STK17A: variants seen among roughly 807,000 people sequenced by gnomAD.
The protein encoded by STK17A is serine/threonine-protein kinase 17A.
A neutral mutation model predicts 43.7 loss-of-function variants in STK17A; 26 were observed. That is an observed-to-expected ratio of 0.60 (90% confidence interval 0.44 to 0.83). The LOEUF is 0.83. Among genes scored for constraint, STK17A ranks in the 40% least tolerant of loss-of-function variants. STK17A has a pLI of 0.00. For synonymous variants in STK17A, 191 were observed against 182.5 expected (o/e 1.05, Z -0.38); for missense variants, 476 against 511.6 (o/e 0.93, Z 0.67).
intron 2 of STK17A, among the ~76,000 whole-genome samples, chr7:43,596,342 G>A (rs143064891): frequency 1.4e-3 from 214 of 152,116 alleles, no homozygotes; most frequent in African/African-American, 5.0e-3. Context: ...GTCATAATTG[G>A]ATAAAAGGTT....
rs1025924187 is a variant in STK17A at position 43,583,117 on chromosome 7, G to T, written c.-127G>T. The T allele has an allele frequency of 5.8e-6, 6 of 1,027,562 alleles. No homozygotes were observed. The African/African-American group carries it at 1.0e-4, about 18-fold the overall frequency. 63.7% of individuals were successfully genotyped at this position (1,027,562 alleles called of 1,614,324 possible). A position where few individuals can be genotyped will look rare whatever the true frequency, so the allele number is the denominator to read the frequency against. On this transcript the variant is annotated 5_prime_UTR_variant, in exon 1 of 7. Coordinates refer to ENST00000319357, the MANE Select transcript of STK17A (RefSeq NM_004760.3). ...CGGTAGTCTGCCTGCCGCAGTCCGA[G>T]CGCCGCGCTGGGGAGAGCGGGTGTT...
chr7:43,583,343 C>G lies in STK17A; in HGVS notation c.100C>G (p.Pro34Ala), dbSNP rs2082413825. ...GRGLSGPCRP[P>A]PPPQARGLLT... ...GGGTCTGAGCGGGCCGTGCCGGCCG[C>G]CGCCGCCGCCCCAGGCCCGCGGGCT... Residue 34 changes from proline to alanine, a missense_variant, in exon 1 of 7, where the codon CCG becomes GCG. Around this residue, in one of 3 missense-constraint regions of STK17A, gnomAD observed 320 missense variants for 326.3 expected, o/e 0.98. Coordinates refer to ENST00000319357, the MANE Select transcript of STK17A (RefSeq NM_004760.3). The G allele has an allele frequency of 7.0e-7, 1 of 1,435,380 alleles. No individual in the cohort carries two copies. The allele number at this position is 1,435,380 out of a possible 1,614,324, so 88.9% of individuals were successfully genotyped here.
intron 2 of STK17A, among the ~76,000 whole-genome samples, chr7:43,606,514 G>C (rs911483845): frequency 6.6e-6 from 1 of 152,126 alleles, no homozygotes; most frequent in Non-Finnish European, 1.5e-5. Context: ...TTCTGTAAAA[G>C]TAGTTTTTGT....
rs915848033 is a variant in STK17A, at chr7:43,619,710, C to A, written c.678C>A (p.Thr226=). Residue 226 remains threonine, a synonymous_variant, in exon 4 of 7, where the codon ACC becomes ACA. Transcript: ENST00000319357. ...AAGAGCTCCGAGAAATTATGGGTAC[C>A]CCTGAATATGTGGGTAAGTATTCAT... ...NSEELREIMG[T]PEYVAPEILS... is the part of the protein sequence containing the mutation. 6.2e-7 allele frequency: 1 copy of A among 1,613,480 alleles called. No individual in the cohort carries two copies. The highest frequency in any genetic ancestry group is 8.5e-7 in the Non-Finnish European group (1 of 1,179,880).
chr7:43,585,090 G>T (rs1050428983), intron 1 of STK17A, among the ~76,000 whole-genome samples: 2 of 152,044 alleles, frequency 1.3e-5, no homozygotes, highest in African/African-American at 4.8e-5. Flanking sequence ...CCAGCTACTC[G>T]TGAGGCTGAG....
At chr7:43,620,962 G>A (rs779794627) in intron 4 of STK17A, among the ~76,000 whole-genome samples, 14 of 152,134 alleles carry the variant, frequency 9.2e-5, no homozygotes, top group Non-Finnish European at 1.3e-4. Context: ...GCAAATACAG[G>A]CTAGAAGAGG....
chr7:43,591,083 G>A (rs1195004985), intron 1 of STK17A, among the ~76,000 whole-genome samples: 2 of 151,472 alleles, frequency 1.3e-5, no homozygotes, highest in Admixed American at 6.6e-5. Context: ...ATTTAGAGAT[G>A]AAGGCATGCA....
chr7:43,620,684 AAAAG>A (rs1323633702), intron 4 of STK17A, among the ~76,000 whole-genome samples: 2 of 151,976 alleles, frequency 1.3e-5, no homozygotes, highest in African/African-American at 4.8e-5. Flanking sequence ...AAAAAAAAAA[AAAAG>A]AATATTAATA....
At chr7:43,610,192 A>G (rs1215404789) in intron 3 of STK17A, among the ~76,000 whole-genome samples, 2 of 151,716 alleles carry the variant, frequency 1.3e-5, no homozygotes, top group Non-Finnish European at 2.9e-5. Context: ...TAAAAATACA[A>G]AAAAATTAGC....
Position 43,595,844 on chromosome 7 carries a change from T to C in STK17A, c.207-57T>C, listed in dbSNP as rs1050945299. On this transcript the variant is annotated intron_variant, in intron 1 of 6. Transcript: ENST00000319357. ...TGGGTATTTGGAAATTTCATTGAAA[T>C]CTGCCATCTCTGGAAAGTTGTCAAC... is the stretch of plus-strand genomic sequence containing the variant. 5 of 1,524,170 alleles carry C rather than the reference T, an allele frequency of 3.3e-6. No individual in the cohort carries two copies. In the Admixed American group the frequency reaches 5.6e-5, roughly 17 times the overall value. The allele number at this position is 1,524,170 out of a possible 1,614,324, so 94.4% of individuals were successfully genotyped here.
At chr7:43,605,693 C>A (rs66487644) in intron 2 of STK17A, among the ~76,000 whole-genome samples, 25,041 of 151,508 alleles carry the variant, frequency 0.17, 2,392 homozygotes, top group Non-Finnish European at 0.21. Flanking sequence ...ACCCTATACC[C>A]CTGTCCATAA....
chr7:43,615,428 C>T (rs146860102), intron 3 of STK17A, among the ~76,000 whole-genome samples: 285 of 152,240 alleles, frequency 1.9e-3, no homozygotes, highest in Middle Eastern at 3.4e-3. Context: ...CCACTCACCT[C>T]GGCCTCCCAA....
chr7:43,623,817 TGAG>T lies in STK17A; in HGVS notation c.852_854del (p.Glu286del). 1 of 1,604,084 alleles carries T rather than the reference TGAG, an allele frequency of 6.2e-7. No homozygotes were observed. The highest frequency in any genetic ancestry group is 1.1e-5 in the South Asian group (1 of 88,230). On this transcript the variant is annotated inframe_deletion, in exon 6 of 7. Coordinates refer to ENST00000319357, the MANE Select transcript of STK17A (RefSeq NM_004760.3). Reference sequence around the variant, plus strand: ...TCTCACAGATGAATTTAAGTTATTCTGAGGAAGAATTTGATGTTTTGTCTGAGT... The same window carrying T: ...TCTCACAGATGAATTTAAGTTATTCTGAAGAATTTGATGTTTTGTCTGAGT...
In STK17A at chr7:43,624,002, C is replaced by G. The variant is rs973796727; in HGVS notation, c.920+114C>G. On this transcript the variant is annotated intron_variant, in intron 6 of 6. Transcript: ENST00000319357. Reference sequence around the variant, plus strand: ...CCTCCAACCAAAAATAGTTCAACTTCTAAAACACCATAATGGAAACACAAA... The same window carrying G: ...CCTCCAACCAAAAATAGTTCAACTTGTAAAACACCATAATGGAAACACAAA... The G allele has an allele frequency of 2.0e-5, 14 of 696,590 alleles. No homozygotes were observed. The East Asian group carries it at 2.6e-4, about 13-fold the overall frequency. The allele number at this position is 696,590 out of a possible 1,614,324, so 43.2% of individuals were successfully genotyped here. A position where few individuals can be genotyped will look rare whatever the true frequency, so the allele number is the denominator to read the frequency against.
chr7:43,607,015 C>G (rs2082603176), intron 2 of STK17A, among the ~76,000 whole-genome samples: 1 of 144,646 alleles, frequency 6.9e-6, no homozygotes. Flanking sequence ...CTTCTGCCTC[C>G]CAGGTTCAAG....
chr7:43,618,200 A>G (rs965295973), intron 3 of STK17A, among the ~76,000 whole-genome samples: 1 of 152,230 alleles, frequency 6.6e-6, no homozygotes, highest in Non-Finnish European at 1.5e-5. Context: ...GCTGTGGAGC[A>G]GGGACGGGGC....
intron 3 of STK17A, among the ~76,000 whole-genome samples, 172 bp from the exon 4 acceptor site, chr7:43,619,425 C>T (rs2083645824): frequency 6.6e-6 from 1 of 152,172 alleles, no homozygotes; most frequent in Admixed American, 6.5e-5. Context: ...GAGTACAGGC[C>T]TGCTGCCTTA....
intron 4 of STK17A, among the ~76,000 whole-genome samples, chr7:43,621,428 CAA>C (rs1316097259): frequency 6.6e-6 from 1 of 152,154 alleles, no homozygotes; most frequent in African/African-American, 2.4e-5. Context: ...GCTGAAAAAT[CAA>C]AATAGTAATT....
chr7:43,627,314 ATCTC>A lies in STK17A; in HGVS notation c.*2474_*2477del, dbSNP rs1231860234. ...AGGAAGGACAGATGCTCATTGTTGAATCTCTTAAATTTTTCCAGCTAACCTCAGT... is the reference window on the plus strand; with the variant it reads ...AGGAAGGACAGATGCTCATTGTTGAATTAAATTTTTCCAGCTAACCTCAGT... On this transcript the variant is annotated 3_prime_UTR_variant, in exon 7 of 7. Transcript: ENST00000319357. 1.3e-5 allele frequency among the ~76,000 whole-genome samples: 2 copies of A among 152,192 alleles called. No individual in the cohort carries two copies. The highest frequency in any genetic ancestry group is 2.4e-5 in the African/African-American group (1 of 41,454).
Sources: allele counts gnomAD v4.1 joint callset (sites outside exome capture counted in the v4.1 genomes callset), GRCh38; gene constraint gnomAD v4.1.1; regional missense constraint gnomAD v4.1.1; transcripts MANE v1.5; gene names NCBI Gene and HGNC (gene_info 2026-07-23, HGNC 2026-07-21).